The following IMMP2L variants were observed in gnomAD, a reference collection of about 807,000 sequenced individuals.
IMMP2L encodes inner mitochondrial membrane peptidase subunit 2.
IMMP2L carries 18 observed loss-of-function variants against 19.3 expected under a neutral mutation model. The ratio of observed to expected loss-of-function variants is 0.93; its 90% CI spans 0.64 to 1.38. The LOEUF (loss-of-function observed/expected upper bound fraction) is 1.38, where lower values mean the gene tolerates loss of function less well. Among genes scored for constraint, IMMP2L ranks in the 40% most tolerant of loss-of-function variants. The pLI, the probability that IMMP2L is intolerant of heterozygous loss-of-function variation, is 0.00. For synonymous variants in IMMP2L, 76 were observed against 73.0 expected, an observed-to-expected ratio of 1.04 and a Z score of -0.21; for missense variants, 233 against 218.2, an observed-to-expected ratio of 1.07 and a Z score of -0.43.
chr7:110,696,719 C>A (rs969756023), intron 5 of IMMP2L, among the ~76,000 whole-genome samples: 7 of 152,070 alleles, frequency 4.6e-5, no homozygotes, highest in Non-Finnish European at 1.0e-4. Flanking sequence ...AGCCACTGCA[C>A]CCAGGCTTGC....
At chr7:110,934,582 T>C (rs1815869463) in intron 4 of IMMP2L, among the ~76,000 whole-genome samples, 1 of 152,172 alleles carries the variant, frequency 6.6e-6, no homozygotes, top group Non-Finnish European at 1.5e-5. Flanking sequence ...TCATAATTAA[T>C]GATGAAGACT....
intron 5 of IMMP2L, among the ~76,000 whole-genome samples, chr7:110,778,862 A>G (rs779459970): frequency 9.9e-5 from 15 of 151,924 alleles, no homozygotes; most frequent in Non-Finnish European, 2.1e-4. Flanking sequence ...GCTGATTTGT[A>G]GTGTCTGCCT....
chr7:111,099,957 C>T (rs180785413), intron 3 of IMMP2L: 1 of 151,636 alleles, frequency 6.6e-6, no homozygotes, highest in African/African-American at 2.4e-5. Context: ...ACAGCCCGGA[C>T]CCTGGGTAAG....
At chr7:111,286,227 A>C (rs901131970) in intron 3 of IMMP2L, among the ~76,000 whole-genome samples, 2 of 152,202 alleles carry the variant, frequency 1.3e-5, no homozygotes, top group African/African-American at 4.8e-5. Flanking sequence ...ACCAACAGTT[A>C]GAAGATTCTC....
chr7:111,019,320 G>C (rs1213501320), intron 3 of IMMP2L, among the ~76,000 whole-genome samples: 1 of 152,156 alleles, frequency 6.6e-6, no homozygotes, highest in African/African-American at 2.4e-5. Context: ...AAAGCTCCAG[G>C]ATCTGTATCC....
At chr7:111,044,962 G>GA (rs1391164494) in intron 3 of IMMP2L, among the ~76,000 whole-genome samples, 1 of 151,886 alleles carries the variant, frequency 6.6e-6, no homozygotes, top group African/African-American at 2.4e-5. Context: ...AAAATATAAT[G>GA]AAAAAATAAC....
At chr7:111,108,298 T>A (rs1321955646) in intron 3 of IMMP2L, among the ~76,000 whole-genome samples, 3 of 152,192 alleles carry the variant, frequency 2.0e-5, no homozygotes, top group Non-Finnish European at 4.4e-5. Flanking sequence ...CTCTTTTTGT[T>A]GTTGATACAG....
rs1820466506 is a variant in IMMP2L, at chr7:110,974,290, A to T, written c.240-10725T>A. Among the ~76,000 whole-genome samples, 3 of 152,058 alleles carry T rather than the reference A, an allele frequency of 2.0e-5. No individual in the cohort carries two copies. In the East Asian group the frequency reaches 5.8e-4, roughly 29 times the overall value. On this transcript the variant is annotated intron_variant, in intron 3 of 5. Coordinates refer to ENST00000405709, the MANE Select transcript of IMMP2L (RefSeq NM_032549.4). ...AGCTTTGCCAAGAGACATGGGCACA[A>T]ACATCAGTGATTAAGAAAGATCTCC...
intron 3 of IMMP2L, among the ~76,000 whole-genome samples, chr7:111,444,541 G>A (rs1238314646): frequency 6.6e-6 from 1 of 152,272 alleles, no homozygotes; most frequent in Non-Finnish European, 1.5e-5. Context: ...GCATTGTTAA[G>A]TGCCTGCAAA....
chr7:110,733,002 G>C (rs1450310006), intron 5 of IMMP2L, among the ~76,000 whole-genome samples: 1 of 152,038 alleles, frequency 6.6e-6, no homozygotes, highest in East Asian at 1.9e-4. Flanking sequence ...TTCCCAGGCT[G>C]ATCTCAAACT....
intron 5 of IMMP2L, among the ~76,000 whole-genome samples, chr7:110,715,061 G>A (rs1486086177): frequency 1.3e-5 from 2 of 152,098 alleles, no homozygotes; most frequent in Non-Finnish European, 1.5e-5. Context: ...GTGCATATAG[G>A]TGTTCATATT....
At chr7:110,873,027 G>T (rs777964686) in intron 5 of IMMP2L, among the ~76,000 whole-genome samples, 2 of 152,128 alleles carry the variant, frequency 1.3e-5, no homozygotes, top group Non-Finnish European at 2.9e-5. Context: ...GTGATATTTG[G>T]GGGGAGCCCC....
intron 5 of IMMP2L, among the ~76,000 whole-genome samples, chr7:110,690,806 TA>T (rs912617217): frequency 2.0e-4 from 30 of 147,748 alleles, no homozygotes; most frequent in East Asian, 5.9e-4. Flanking sequence ...AAAACACTGC[TA>T]AAAAAAAAAT....
chr7:111,555,299 G>C (rs1004776838), intron 1 of IMMP2L, among the ~76,000 whole-genome samples: 5 of 152,090 alleles, frequency 3.3e-5, no homozygotes, highest in Non-Finnish European at 4.4e-5. Flanking sequence ...GTATGCAAAA[G>C]GGCCAGACGT....
At chr7:111,222,118 T>C (rs1433381406) in intron 3 of IMMP2L, among the ~76,000 whole-genome samples, 4 of 152,062 alleles carry the variant, frequency 2.6e-5, no homozygotes, top group African/African-American at 7.2e-5. Context: ...CACCTCAATT[T>C]CTGACAGGTA....
intron 5 of IMMP2L, among the ~76,000 whole-genome samples, chr7:110,743,504 G>A (rs1797124579): frequency 1.3e-5 from 2 of 152,128 alleles, no homozygotes; most frequent in Admixed American, 6.5e-5. Context: ...CAACAGCTCT[G>A]GTCTTAGCAA....
intron 3 of IMMP2L, among the ~76,000 whole-genome samples, chr7:111,161,934 T>A (rs1345486275): frequency 2.6e-5 from 4 of 152,044 alleles, no homozygotes; most frequent in South Asian, 2.1e-4. Context: ...TTAAAAAAAA[T>A]TATATTACGA....
intron 5 of IMMP2L, among the ~76,000 whole-genome samples, chr7:110,818,061 T>C (rs544631034): frequency 2.1e-4 from 32 of 152,196 alleles, no homozygotes; most frequent in Non-Finnish European, 4.1e-4. Flanking sequence ...GGGCAAGGAC[T>C]TCATGTCTAA....
intron 4 of IMMP2L, among the ~76,000 whole-genome samples, chr7:110,921,732 A>G (rs1814310305): frequency 6.6e-6 from 1 of 152,150 alleles, no homozygotes; most frequent in Admixed American, 6.6e-5. Context: ...TGGAATAACA[A>G]ATGTGCTTAA....
Sources: allele counts gnomAD v4.1 joint callset (sites outside exome capture counted in the v4.1 genomes callset), GRCh38; gene constraint gnomAD v4.1.1; transcripts MANE v1.5; gene names NCBI Gene and HGNC (gene_info 2026-07-23, HGNC 2026-07-21).